The following SUGCT variants were observed in gnomAD, a reference collection of about 807,000 sequenced individuals.
The protein encoded by SUGCT is succinyl-CoA:glutarate-CoA transferase.
A neutral mutation model predicts 55.0 loss-of-function variants in SUGCT; 41 were observed. The observed-to-expected ratio is 0.74, with a 90% CI of 0.58 to 0.97. The LOEUF (loss-of-function observed/expected upper bound fraction) is 0.97. Among genes scored for constraint, SUGCT ranks in the 50% least tolerant of loss-of-function variants. The probability of loss-of-function intolerance (pLI) is 0.00; values close to 1 mark genes in which losing one functional copy is unlikely to be tolerated. For missense variants in SUGCT, 568 were observed against 547.8 expected, an observed-to-expected ratio of 1.04 and a Z score of -0.37; for synonymous variants, 187 against 200.4, an observed-to-expected ratio of 0.93 and a Z score of 0.56.
At chr7:41,026,188 C>T in the SUGCT span, among the ~76,000 whole-genome samples, 2 of 152,218 alleles carry the variant, frequency 1.3e-5, no homozygotes, top group Non-Finnish European at 2.9e-5. Flanking sequence ...AATAACCCTG[C>T]ATTTTCATTT....
At chr7:40,222,872 C>T (rs1292458875) in intron 6 of SUGCT, among the ~76,000 whole-genome samples, 1 of 152,152 alleles carries the variant, frequency 6.6e-6, no homozygotes, top group Non-Finnish European at 1.5e-5. Flanking sequence ...TTGTGATCCA[C>T]CTGCCTAAGC....
At chr7:40,925,677 C>T in the SUGCT span, among the ~76,000 whole-genome samples, 1 of 152,012 alleles carries the variant, frequency 6.6e-6, no homozygotes, top group Non-Finnish European at 1.5e-5. Flanking sequence ...AACCGGATAC[C>T]AAGATAAGAA....
intron 1 of SUGCT, among the ~76,000 whole-genome samples, chr7:40,156,668 G>A (rs921154446): frequency 1.1e-4 from 16 of 152,132 alleles, no homozygotes; most frequent in African/African-American, 3.9e-4. Context: ...CCAAGGCTCT[G>A]CAGAAAGGGT....
At chr7:40,898,496 G>GGGGGGGGGGGGGGGGGGT in the SUGCT span, among the ~76,000 whole-genome samples, 1 of 101,872 alleles carries the variant, frequency 9.8e-6, no homozygotes, top group Admixed American at 9.5e-5. Flanking sequence ...GGGGGGGGGG[G>GGGGGGGGGGGGGGGGGGT]GTGGATCACG....
At chr7:40,658,593 C>T (rs1447267955) in intron 12 of SUGCT, among the ~76,000 whole-genome samples, 1 of 152,110 alleles carries the variant, frequency 6.6e-6, no homozygotes, top group African/African-American at 2.4e-5. Flanking sequence ...GGAAGTGTCC[C>T]TGGCTGTACT....
intron 9 of SUGCT, among the ~76,000 whole-genome samples, chr7:40,362,662 A>G (rs182757250): frequency 2.7e-4 from 41 of 152,328 alleles, no homozygotes; most frequent in Admixed American, 5.2e-4. Context: ...AAGTGGAAGC[A>G]TAAGTTTGGA....
chr7:40,635,611 G>C (rs1000761607), intron 12 of SUGCT, among the ~76,000 whole-genome samples: 5 of 152,256 alleles, frequency 3.3e-5, no homozygotes, highest in Middle Eastern at 3.4e-3. Context: ...CCAAATAAGG[G>C]AATATTTTGA....
chr7:40,547,650 TAAAC>T (rs1189525749), intron 12 of SUGCT, among the ~76,000 whole-genome samples: 1 of 152,142 alleles, frequency 6.6e-6, no homozygotes, highest in Non-Finnish European at 1.5e-5. Flanking sequence ...ATAATAGAGA[TAAAC>T]AAAAGAAGGA....
rs1371266101 is a variant in SUGCT at position 40,768,936 on chromosome 7, C to T, written c.1153+19439C>T. Among the ~76,000 whole-genome samples the T allele has an allele frequency of 1.1e-4, 17 of 152,246 alleles. No homozygotes were observed. In the East Asian group the frequency reaches 1.5e-3, roughly 14 times the overall value. ...CCTGCAGGGCGAGGCAGCTTGAAATCGTGTCCTGTGCTGAGTGTGTCTATT... is the reference window on the plus strand; with the variant it reads ...CCTGCAGGGCGAGGCAGCTTGAAATTGTGTCCTGTGCTGAGTGTGTCTATT... On this transcript the variant is annotated intron_variant, in intron 13 of 13. Transcript: ENST00000335693.
intron 8 of SUGCT, among the ~76,000 whole-genome samples, chr7:40,283,519 G>A (rs570588565): frequency 2.3e-4 from 35 of 152,092 alleles, no homozygotes; most frequent in Non-Finnish European, 3.1e-4. Flanking sequence ...ATGAGCCACC[G>A]CGCCTGGCCA....
Position 40,830,442 on chromosome 7 carries a change from A to G in SUGCT, c.1154-29874A>G, listed in dbSNP as rs899298223. On this transcript the variant is annotated intron_variant, in intron 13 of 13. Coordinates refer to ENST00000335693, the MANE Select transcript of SUGCT (RefSeq NM_001193313.2). ...CTGAGGACCTCCTTGCAATGTCTCA[A>G]TCAGGCCCTAGCAGACCCTGACAGC... 2.6e-5 allele frequency among the ~76,000 whole-genome samples: 4 copies of G among 152,218 alleles called. No individual in the cohort carries two copies. In the East Asian group the frequency reaches 5.8e-4, roughly 22 times the overall value.
chr7:40,222,948 C>T (rs1477813962), intron 6 of SUGCT, among the ~76,000 whole-genome samples: 3 of 151,888 alleles, frequency 2.0e-5, no homozygotes, highest in Non-Finnish European at 4.4e-5. Context: ...TAATTTTTGG[C>T]ACAAGCACAC....
At chr7:40,501,976 T>C (rs753561290) in intron 12 of SUGCT, among the ~76,000 whole-genome samples, 1 of 152,086 alleles carries the variant, frequency 6.6e-6, no homozygotes, top group Non-Finnish European at 1.5e-5. Flanking sequence ...TTCAAATGCC[T>C]GTTGTAATTA....
intron 8 of SUGCT, among the ~76,000 whole-genome samples, chr7:40,301,072 TC>T (rs1233488164): frequency 2.0e-5 from 3 of 152,192 alleles, no homozygotes; most frequent in Non-Finnish European, 4.4e-5. Context: ...ATCCCTCAAC[TC>T]CTCATGTCAC....
At chr7:40,970,108 T>C in the SUGCT span, among the ~76,000 whole-genome samples, 2 of 152,334 alleles carry the variant, frequency 1.3e-5, no homozygotes, top group South Asian at 4.1e-4. Flanking sequence ...GGCTTTTTAA[T>C]TGGGAACTTT....
chr7:40,209,222 A>G (rs1286979747), intron 6 of SUGCT, among the ~76,000 whole-genome samples: 10 of 152,156 alleles, frequency 6.6e-5, no homozygotes, highest in Admixed American at 4.6e-4. Context: ...AAAGGGCCGG[A>G]TGCGGTGGCG....
chr7:40,209,422 G>A (rs1251393241), intron 6 of SUGCT, among the ~76,000 whole-genome samples: 1 of 152,160 alleles, frequency 6.6e-6, no homozygotes, highest in Non-Finnish European at 1.5e-5. Context: ...TGCTTGAACC[G>A]GGAGGTGGAG....
chr7:40,200,663 C>T (rs1283821414), intron 6 of SUGCT, among the ~76,000 whole-genome samples: 1 of 151,900 alleles, frequency 6.6e-6, no homozygotes, highest in Non-Finnish European at 1.5e-5. Flanking sequence ...GGGGCCATGA[C>T]ATGCTAGGAT....
chr7:40,273,181 A>G (rs1161042046), intron 7 of SUGCT, among the ~76,000 whole-genome samples: 3 of 152,224 alleles, frequency 2.0e-5, no homozygotes, highest in African/African-American at 7.2e-5. Flanking sequence ...GACATTTCCA[A>G]GTTTCATGGC....
Sources: allele counts gnomAD v4.1 joint callset (sites outside exome capture counted in the v4.1 genomes callset), GRCh38; gene constraint gnomAD v4.1.1; transcripts MANE v1.5; gene names NCBI Gene and HGNC (gene_info 2026-07-23, HGNC 2026-07-21).